Variants in DNAH2 observed in about 807,000 individuals in gnomAD.
The protein encoded by DNAH2 is axonemal beta dynein heavy chain 2.
Under a neutral mutation model 523.5 loss-of-function variants are expected in DNAH2, and 323 were observed. The ratio of observed to expected loss-of-function variants is 0.62; its 90% CI spans 0.56 to 0.68. The LOEUF (loss-of-function observed/expected upper bound fraction) is 0.68, where lower values mean the gene tolerates loss of function less well. DNAH2 is among the 30% of genes least tolerant of loss of function. The probability of loss-of-function intolerance (pLI) is 0.00; values close to 1 mark genes in which losing one functional copy is unlikely to be tolerated. For missense variants in DNAH2, 4,907 were observed against 5,701.5 expected (o/e 0.86, Z 4.49); for synonymous variants, 2,093 against 2,177.4 (o/e 0.96, Z 1.08).
chr17:7,742,240 G>C (rs982948648), intron 11 of DNAH2, among the ~76,000 whole-genome samples: 1 of 151,988 alleles, frequency 6.6e-6, no homozygotes, highest in African/African-American at 2.4e-5. Context: ...GACCAGTTTG[G>C]CCAACATGGT....
At position 7,821,423 on chromosome 17, in the gene DNAH2, G is replaced by C. The variant is rs1201763601; in HGVS notation, c.11142+54G>C. The stretch of plus-strand genomic sequence containing the variant: ...ATGGGATGGTCAAGGTTGGGGATGA[G>C]GGCAAGTGTGACAAGGACTCCAGAC... On this transcript the variant is annotated intron_variant, in intron 73 of 85. Transcript: ENST00000572933. The surrounding 1 kb of genome is among the most constrained non-coding windows in gnomAD (Gnocchi z 5.0). The C allele has an allele frequency of 1.9e-6, 3 of 1,572,324 alleles. No individual in the cohort carries two copies. Among genetic ancestry groups the C allele is most frequent in the Admixed American group, 3.6e-5 (2 of 55,308 alleles).
chr17:7,736,193 A>T (rs2075137826), intron 7 of DNAH2, among the ~76,000 whole-genome samples: 4 of 152,144 alleles, frequency 2.6e-5, no homozygotes, highest in Non-Finnish European at 5.9e-5. Context: ...TTAAAAAAAA[A>T]TTTGATATGA....
intron 18 of DNAH2, 77 bp from the exon 19 acceptor site, chr17:7,763,754 A>T: frequency 6.4e-7 from 1 of 1,560,212 alleles, no homozygotes. Context: ...AGGAAATGAG[A>T]CCTGCAGCCC....
Position 7,758,884 on chromosome 17 carries a change from G to C in DNAH2, c.2209-1G>C. On this transcript the variant is annotated splice_acceptor_variant, in intron 14 of 85. Coordinates refer to ENST00000572933, the MANE Select transcript of DNAH2 (RefSeq NM_020877.5). LOFTEE classifies it high-confidence loss of function. ...TCCCCCATGACGGGGCCTGACTCTA[G>C]GTGCAGATGATTGTGAATGAGTTCA... 1 of 1,613,790 alleles carries C rather than the reference G, an allele frequency of 6.2e-7. No homozygotes were observed. Among genetic ancestry groups the C allele is most frequent in the Non-Finnish European group, 8.5e-7 (1 of 1,179,898 alleles).
chr17:7,722,713 C>T (rs1270986769), intron 2 of DNAH2, among the ~76,000 whole-genome samples: 1 of 152,138 alleles, frequency 6.6e-6, no homozygotes, highest in African/African-American at 2.4e-5. Flanking sequence ...ATGAACCACA[C>T]CGCCATGCCT....
intron 7 of DNAH2, among the ~76,000 whole-genome samples, chr17:7,736,110 A>C (rs2075135107): frequency 6.6e-6 from 1 of 152,044 alleles, no homozygotes; most frequent in South Asian, 2.1e-4. Flanking sequence ...GCTGGTCTCA[A>C]ACTCCTGGTG....
At chr17:7,817,104 C>T (rs974000269) in intron 64 of DNAH2, among the ~76,000 whole-genome samples, 186 bp from the exon 65 acceptor site, 15 of 152,176 alleles carry the variant, frequency 9.9e-5, no homozygotes, top group African/African-American at 2.9e-4. Flanking sequence ...TAAACATTGC[C>T]ATTAGAGATA....
At chr17:7,800,088 G>T (rs1053656386) in intron 56 of DNAH2, among the ~76,000 whole-genome samples, 1 of 152,174 alleles carries the variant, frequency 6.6e-6, no homozygotes, top group East Asian at 1.9e-4. Flanking sequence ...GTCTCGCTGT[G>T]TTGCCCAGGC....
chr17:7,792,248 T>A lies in DNAH2; in HGVS notation c.7054-4T>A, dbSNP rs1322375831. 1.9e-6 allele frequency: 3 copies of A among 1,613,778 alleles called. No individual in the cohort carries two copies. In the African/African-American group the frequency reaches 4.0e-5, roughly 22 times the overall value. On this transcript the variant is annotated splice_region_variant and splice_polypyrimidine_tract_variant and intron_variant, in intron 45 of 85. Coordinates refer to ENST00000572933, the MANE Select transcript of DNAH2 (RefSeq NM_020877.5). ...TGGTAACCTGACCTACATGCCCTCC[T>A]TAGGACACGGTATATGAGTATTTTG...
At chr17:7,778,735 A>G (rs1267350997) in intron 35 of DNAH2, among the ~76,000 whole-genome samples, 1 of 151,858 alleles carries the variant, frequency 6.6e-6, no homozygotes, top group Non-Finnish European at 1.5e-5. Context: ...AGCCCGGAGA[A>G]TTTTTGTATT....
chr17:7,774,608 C>T (rs888689846), intron 28 of DNAH2, 151 bp from the exon 29 acceptor site: 23 of 631,800 alleles, frequency 3.6e-5, no homozygotes, highest in Admixed American at 1.2e-4. Flanking sequence ...GCATGTTAGA[C>T]AGTCTGGGGA....
chr17:7,719,880 A>G lies in DNAH2; in HGVS notation c.146A>G (p.Glu49Gly). 6.4e-7 allele frequency: 1 copy of G among 1,571,022 alleles called. No individual in the cohort carries two copies. The highest frequency in any genetic ancestry group is 8.6e-7 in the Non-Finnish European group (1 of 1,159,034). ...PAVSEPELQA[E>G]LPKEEPEPRL... is the part of the protein sequence containing the mutation. ...GTCAGTGAGCCAGAGCTGCAGGCTG[A>G]GCTCCCCAAGGAGGAGCCTGGTGGG... Residue 49 changes from glutamate to glycine, a missense_variant, in exon 2 of 86, where the codon GAG becomes GGG. Around this residue, in one of 3 missense-constraint regions of DNAH2, gnomAD observed 2,806 missense variants for 3,190.8 expected, o/e 0.88. Transcript: ENST00000572933.
rs760286406 is a variant in DNAH2 at position 7,818,355 on chromosome 17, T to A, written c.10431T>A (p.Tyr3477Ter). Residue 3477 changes from tyrosine to a stop codon, truncating the protein, a stop_gained, in exon 69 of 86, where the codon TAT (tyrosine) becomes TAA (stop). Coordinates refer to ENST00000572933, the MANE Select transcript of DNAH2 (RefSeq NM_020877.5). LOFTEE classifies it high-confidence loss of function. ...GCATTGGCGATAAGGAGGTGGAATA[T>A]AATACCAATTTCCGTTTCTACATCA... ...LMRIGDKEVEYNTNFRFYITT... is the reference protein window; with the variant it reads ...LMRIGDKEVE The A allele has an allele frequency of 1.1e-5, 17 of 1,614,148 alleles. No individual in the cohort carries two copies. The highest frequency in any genetic ancestry group is 1.4e-5 in the Non-Finnish European group (16 of 1,180,022).
Position 7,801,701 on chromosome 17 carries a change from T to C in DNAH2, c.8823T>C (p.Thr2941=), listed in dbSNP as rs779602805. The C allele has an allele frequency of 6.2e-7, 1 of 1,614,066 alleles. No homozygotes were observed. Among genetic ancestry groups the C allele is most frequent in the South Asian group, 1.1e-5 (1 of 91,088 alleles). The change falls in exon 57 of 86, where the codon ACT becomes ACC. Residue 2941 remains threonine, a synonymous_variant. Transcript: ENST00000572933. ...GCCTCATAGGAGTAGACCTGGGAAC[T>C]CAGGAGAATGTGAGCCCCTCCTCCC... ...EKCLIGVDLG[T]QENIHRKVAQ... is the part of the protein sequence containing the mutation.
At position 7,833,436 on chromosome 17, in the gene DNAH2, C is replaced by T. The variant is rs757193032; in HGVS notation, c.13187C>T (p.Ala4396Val). The T allele has an allele frequency of 6.2e-7, 1 of 1,614,188 alleles. No homozygotes were observed. ...YPNRAGSSDRASFVIGIDLRS... is the reference protein window; with the variant it reads ...YPNRAGSSDRVSFVIGIDLRS... ...AACCGGGCAGGCAGCTCAGACCGAG[C>T]CTCCTTTGTCATCGGCATTGACCTG... is the stretch of plus-strand genomic sequence containing the variant. Residue 4396 changes from alanine (A) to valine (V), a missense_variant, in exon 86 of 86, where the codon GCC (alanine) becomes GTC (valine). Ala to Val is a moderately conservative substitution (Grantham distance 64). Around this residue, in one of 3 missense-constraint regions of DNAH2, gnomAD observed 1,851 missense variants for 2,139.4 expected, o/e 0.87. Transcript: ENST00000572933.
chr17:7,822,986 C>T (rs2077902410), intron 73 of DNAH2, among the ~76,000 whole-genome samples: 1 of 152,042 alleles, frequency 6.6e-6, no homozygotes, highest in Non-Finnish European at 1.5e-5. Context: ...GTATTCATCT[C>T]TTCACTCTCA....
chr17:7,824,665 C>G lies in DNAH2; in HGVS notation c.11791C>G (p.His3931Asp), dbSNP rs1331241135. The G allele has an allele frequency of 1.2e-5, 20 of 1,606,712 alleles. No homozygotes were observed. The South Asian group carries it at 1.3e-4, about 11-fold the overall frequency. Residue 3931 changes from histidine (H) to aspartate (D), a missense_variant, in exon 77 of 86, where the codon CAC (histidine) becomes GAC (aspartate). Transcript: ENST00000572933. Reference sequence around the variant, plus strand: ...CCGCCTCTGGCTCAGCTCCATCCCCCACCCAGACTTCCCTATCTCAATCTT... The same window carrying G: ...CCGCCTCTGGCTCAGCTCCATCCCCGACCCAGACTTCCCTATCTCAATCTT... ...SFRLWLSSIPHPDFPISILQV... is the reference protein window; with the variant it reads ...SFRLWLSSIPDPDFPISILQV...
At chr17:7,737,320 G>T (rs912748247) in intron 8 of DNAH2, 62 bp downstream of exon 8, 6 of 1,538,556 alleles carry the variant, frequency 3.9e-6, no homozygotes, top group Non-Finnish European at 5.4e-6. Context: ...TTCTGAAGCA[G>T]GGGGAATGCA....
intron 73 of DNAH2, among the ~76,000 whole-genome samples, chr17:7,822,250 T>C (rs1187145778): frequency 6.6e-6 from 1 of 152,152 alleles, no homozygotes; most frequent in Non-Finnish European, 1.5e-5. Context: ...GGATTATAGG[T>C]GTGAGCCACT....
Sources: gnomAD v4.1 joint callset for allele counts (sites outside exome capture counted in the v4.1 genomes callset) on GRCh38, gnomAD v4.1.1 for gene constraint, gnomAD v4.1.1 regional missense constraint, Gnocchi (gnomAD v3.1) non-coding constraint, MANE v1.5 for transcripts, NCBI Gene and HGNC (gene_info 2026-07-23, HGNC 2026-07-21) for gene names.